RANBP2: variants seen among roughly 807,000 people sequenced by gnomAD.
The protein encoded by RANBP2 is RAN binding protein 2, also known as E3 SUMO-protein ligase RanBP2.
RANBP2 carries 57 observed loss-of-function variants against 303.6 expected under a neutral mutation model. The ratio of observed to expected loss-of-function variants is 0.19; its 90% confidence interval spans 0.15 to 0.23. The LOEUF is 0.23. Ranked by LOEUF, RANBP2 falls within the 10% of genes least tolerant of loss-of-function variation. RANBP2 has a pLI of 1.00. For synonymous variants in RANBP2, 1,167 were observed against 1,301.5 expected (o/e 0.90, Z 2.23); for missense variants, 3,138 against 3,780.8 (o/e 0.83, Z 4.46).
At chr2:108,879,655 A>G in the RANBP2 span, among the ~76,000 whole-genome samples, 15 of 152,220 alleles carry the variant, frequency 9.9e-5, no homozygotes, top group African/African-American at 3.6e-4. Flanking sequence ...AATCCTCATA[A>G]TAACTTTGTG....
chr2:108,875,046 A>C, the RANBP2 span, among the ~76,000 whole-genome samples: 4 of 152,224 alleles, frequency 2.6e-5, no homozygotes, highest in South Asian at 8.3e-4. Flanking sequence ...AAGCTTGAAC[A>C]AGAAGACTGG....
In RANBP2 at chr2:108,740,634, C is replaced by T. The variant is rs760155423; in HGVS notation, c.928C>T (p.Arg310Ter). Reference sequence around the variant, plus strand: ...TCAGCATAGTAGTAATGTTCAATGGCGAGCTCTTTCTGAGCTGGCTGCATT... The same window carrying T: ...TCAGCATAGTAGTAATGTTCAATGGTGAGCTCTTTCTGAGCTGGCTGCATT... ...MGQHSSNVQW[R>*]ALSELAALCY... The change falls in exon 7 of 29, where the codon CGA becomes TGA. Residue 310 changes from arginine to a stop codon, truncating the protein, a stop_gained. Transcript: ENST00000283195. LOFTEE classifies it high-confidence loss of function. 6.3e-7 allele frequency: 1 copy of T among 1,597,386 alleles called. No individual in the cohort carries two copies. Among genetic ancestry groups the T allele is most frequent in the African/African-American group, 1.3e-5 (1 of 74,826 alleles).
chr2:109,441,101 A>G, the RANBP2 span, among the ~76,000 whole-genome samples: 2 of 149,638 alleles, frequency 1.3e-5, no homozygotes, highest in Non-Finnish European at 3.0e-5. Context: ...TCTTTGTCCC[A>G]GAACAAAGCT....
chr2:108,809,165 A>G, the RANBP2 span, among the ~76,000 whole-genome samples: 1 of 152,124 alleles, frequency 6.6e-6, no homozygotes, highest in African/African-American at 2.4e-5. Flanking sequence ...ATGCTGTTCC[A>G]TTAGTCTATG....
At chr2:109,024,066 C>T in the RANBP2 span, among the ~76,000 whole-genome samples, 4 of 152,148 alleles carry the variant, frequency 2.6e-5, no homozygotes, top group Non-Finnish European at 5.9e-5. Flanking sequence ...GCTGGGATTA[C>T]AGGCATGCAC....
chr2:109,651,864 A>C, the RANBP2 span, among the ~76,000 whole-genome samples: 1 of 151,810 alleles, frequency 6.6e-6, no homozygotes, highest in Non-Finnish European at 1.5e-5. Context: ...GATTCCTGCT[A>C]CTCCCTGCCC....
the RANBP2 span, among the ~76,000 whole-genome samples, chr2:109,068,737 A>G: frequency 6.6e-6 from 1 of 151,762 alleles, no homozygotes; most frequent in Non-Finnish European, 1.5e-5. Context: ...AACTCACTTA[A>G]CCTCTCTGAG....
At chr2:109,253,105 G>A in the RANBP2 span, among the ~76,000 whole-genome samples, 1 of 151,958 alleles carries the variant, frequency 6.6e-6, no homozygotes, top group Admixed American at 6.6e-5. Flanking sequence ...TCAGGTCACT[G>A]CAACCTCCAC....
the RANBP2 span, among the ~76,000 whole-genome samples, chr2:108,957,484 A>G: frequency 6.6e-6 from 1 of 152,170 alleles, no homozygotes; most frequent in Non-Finnish European, 1.5e-5. Context: ...GGGCTCATGG[A>G]GGCCCCCCAG....
chr2:108,829,573 C>T, the RANBP2 span, among the ~76,000 whole-genome samples: 4 of 152,312 alleles, frequency 2.6e-5, no homozygotes, highest in Admixed American at 2.6e-4. Context: ...TGGGGGAACC[C>T]CATCTTTACT....
the RANBP2 span, among the ~76,000 whole-genome samples, chr2:109,022,452 G>A: frequency 1.1e-3 from 171 of 152,284 alleles, 1 homozygote; most frequent in Non-Finnish European, 2.1e-3. Flanking sequence ...TTTTCCAGAT[G>A]GTGGACAGTT....
the RANBP2 span, among the ~76,000 whole-genome samples, chr2:109,582,313 A>AT: frequency 6.6e-6 from 1 of 151,954 alleles, no homozygotes; most frequent in African/African-American, 2.4e-5. Flanking sequence ...ACTCAACGCT[A>AT]TTGCTGTTTT....
the RANBP2 span, among the ~76,000 whole-genome samples, chr2:109,748,636 G>A: frequency 7.5e-6 from 1 of 133,712 alleles, no homozygotes. Context: ...AGTTTGGGAG[G>A]CCGAGGCGGG....
chr2:109,202,574 T>C, the RANBP2 span, among the ~76,000 whole-genome samples: 2 of 152,366 alleles, frequency 1.3e-5, no homozygotes, highest in Non-Finnish European at 2.9e-5. Flanking sequence ...GCAGTGATTA[T>C]TCTTTAAAAA....
At chr2:109,281,153 T>A in the RANBP2 span, among the ~76,000 whole-genome samples, 1 of 151,948 alleles carries the variant, frequency 6.6e-6, no homozygotes, top group Non-Finnish European at 1.5e-5. Context: ...GGAAATGGAG[T>A]GCCACCTGCA....
the RANBP2 span, among the ~76,000 whole-genome samples, chr2:108,902,384 A>T: frequency 1.5e-3 from 222 of 152,152 alleles, 3 homozygotes; most frequent in South Asian, 0.033. Context: ...TCAAAAACAA[A>T]ACAAAACAAA....
At chr2:109,087,731 G>T in the RANBP2 span, among the ~76,000 whole-genome samples, 4 of 152,306 alleles carry the variant, frequency 2.6e-5, no homozygotes, top group East Asian at 7.7e-4. Context: ...GCAACAGGGA[G>T]CTTGGAAGGA....
At chr2:109,685,579 T>C in the RANBP2 span, among the ~76,000 whole-genome samples, 2 of 152,228 alleles carry the variant, frequency 1.3e-5, no homozygotes, top group Non-Finnish European at 2.9e-5. Flanking sequence ...AAGGCTGTGA[T>C]AGGAGCAGCC....
At chr2:109,053,526 G>A in the RANBP2 span, among the ~76,000 whole-genome samples, 1 of 152,208 alleles carries the variant, frequency 6.6e-6, no homozygotes, top group South Asian at 2.1e-4. Flanking sequence ...AGCGCAAGTG[G>A]AGCCCTTTCA....
Sources: allele counts gnomAD v4.1 joint callset (sites outside exome capture counted in the v4.1 genomes callset), GRCh38; gene constraint gnomAD v4.1.1; transcripts MANE v1.5; gene names NCBI Gene and HGNC (gene_info 2026-07-23, HGNC 2026-07-21).